The following GOLGA4 variants were observed in gnomAD, a reference collection of about 807,000 sequenced individuals.
GOLGA4 encodes golgin A4.
In GOLGA4, 169 loss-of-function variants were observed where a neutral mutation model predicts 265.9. That is an observed-to-expected ratio of 0.64 (90% CI 0.56 to 0.72). The LOEUF (loss-of-function observed/expected upper bound fraction) is 0.72, where lower values mean the gene tolerates loss of function less well. Among genes scored for constraint, GOLGA4 ranks in the 30% least tolerant of loss-of-function variants. GOLGA4 has a pLI of 0.00. For synonymous variants in GOLGA4, 923 were observed against 855.8 expected (o/e 1.08, Z -1.37); for missense variants, 2,482 against 2,483.4 (o/e 1.00, Z 0.01).
rs374874235 is a variant in GOLGA4, at chr3:37,327,231, A to G, written c.5345A>G (p.His1782Arg). Residue 1782 changes from histidine to arginine, a missense_variant, in exon 14 of 24, where the codon CAT becomes CGT. Physicochemically the swap from His to Arg is conservative, Grantham distance 29 (BLOSUM62 0). Coordinates refer to ENST00000361924, the MANE Select transcript of GOLGA4 (RefSeq NM_002078.5). The part of the protein sequence containing the change: ...QYQERLIKLE[H>R]AEAKQHEDQS... ...CAGGAGCGCTTAATAAAGCTAGAAC[A>G]TGCTGAGGCAAAGCAACATGAAGAT... 44 of 1,613,984 alleles carry G rather than the reference A, an allele frequency of 2.7e-5. No homozygotes were observed. The African/African-American group carries it at 4.5e-4, about 17-fold the overall frequency.
chr3:37,364,069 T>A (rs1221318805), intron 23 of GOLGA4, among the ~76,000 whole-genome samples: 2 of 152,172 alleles, frequency 1.3e-5, no homozygotes, highest in Non-Finnish European at 2.9e-5. Flanking sequence ...AGTAGTACAT[T>A]ATGAGTAGTG....
In GOLGA4 at chr3:37,337,174, T is replaced by C; in HGVS notation, c.6327+11T>C. ...ATTATGGAGCTACAGGTAAGGCTAG[T>C]TCTTCTTTTTTTTTTTTTCTTTTTT... On this transcript the variant is annotated intron_variant, in intron 18 of 23. Transcript: ENST00000361924. The C allele has an allele frequency of 7.1e-7, 1 of 1,398,994 alleles. No individual in the cohort carries two copies. The highest frequency in any genetic ancestry group is 9.9e-7 in the Non-Finnish European group (1 of 1,011,810). 86.7% of individuals were successfully genotyped at this position (1,398,994 alleles called of 1,614,324 possible).
chr3:37,347,207 C>T lies in GOLGA4; in HGVS notation c.6487C>T (p.His2163Tyr). 6.2e-7 allele frequency: 1 copy of T among 1,608,758 alleles called. No homozygotes were observed. Among genetic ancestry groups the T allele is most frequent in the Non-Finnish European group, 8.5e-7 (1 of 1,176,176 alleles). ...GTPYKGGNLY[H>Y]TDVSLFGEPT... is the part of the protein sequence containing the mutation. ...TTATTTGGCAGGTGGCAATTTGTAC[C>T]ATACGGATGTCTCACTCTTTGGAGA... The change falls in exon 21 of 24, where the codon CAT becomes TAT. Residue 2163 changes from histidine to tyrosine, a missense_variant. Coordinates refer to ENST00000361924, the MANE Select transcript of GOLGA4 (RefSeq NM_002078.5).
At chr3:37,362,462 G>A (rs898942145) in intron 23 of GOLGA4, among the ~76,000 whole-genome samples, 6 of 151,150 alleles carry the variant, frequency 4.0e-5, no homozygotes, top group Non-Finnish European at 8.8e-5. Context: ...GGATGGTCTC[G>A]ATCTCCTGAC....
chr3:37,340,096 A>C (rs1381239603), intron 19 of GOLGA4, 28 bp from the exon 20 acceptor site: 3 of 909,306 alleles, frequency 3.3e-6, no homozygotes, highest in East Asian at 5.1e-5. Flanking sequence ...TGTGAATCTT[A>C]TATGGTCTGA....
chr3:37,326,144 A>G lies in GOLGA4; in HGVS notation c.4258A>G (p.Lys1420Glu), dbSNP rs146784733. Reference protein sequence around the residue: ...LLDQVQDLSFKVDTLSKEKIS... With the variant: ...LLDQVQDLSFEVDTLSKEKIS... ...GGATCAGGTGCAAGATTTATCTTTT[A>G]AAGTTGACACTCTGAGTAAAGAGAA... The change falls in exon 14 of 24, where the codon AAA becomes GAA. Residue 1420 changes from lysine to glutamate, a missense_variant. Transcript: ENST00000361924. 2.4e-5 allele frequency: 38 copies of G among 1,613,644 alleles called. No homozygotes were observed. The African/African-American group carries it at 4.1e-4, about 18-fold the overall frequency.
At chr3:37,315,685 G>A in intron 11 of GOLGA4, 87 bp downstream of exon 11, 1 of 1,135,830 alleles carries the variant, frequency 8.8e-7, no homozygotes, top group Non-Finnish European at 1.3e-6. Flanking sequence ...GTAAAGAAGA[G>A]TTTGTTTGTA....
rs773856421 is a variant in GOLGA4 at position 37,298,885 on chromosome 3, G to A, written c.867G>A (p.Lys289=). 4.3e-6 allele frequency: 7 copies of A among 1,613,636 alleles called. No homozygotes were observed. Among genetic ancestry groups the A allele is most frequent in the Non-Finnish European group, 5.9e-6 (7 of 1,179,778 alleles). Residue 289 remains lysine, a synonymous_variant, in exon 8 of 24, where the codon AAG becomes AAA. Coordinates refer to ENST00000361924, the MANE Select transcript of GOLGA4 (RefSeq NM_002078.5). ...KTLETLQQRV[K]RQENLLKRCK... is the part of the protein sequence containing the mutation. ...TGGAAACACTCCAGCAAAGAGTGAA[G>A]CGTCAAGAGAACCTACTTAAGCGTT... is the stretch of plus-strand genomic sequence containing the variant.
At chr3:37,290,920 G>A (rs889753180) in intron 5 of GOLGA4, among the ~76,000 whole-genome samples, 1 of 152,074 alleles carries the variant, frequency 6.6e-6, no homozygotes, top group African/African-American at 2.4e-5. Flanking sequence ...AAATAATACG[G>A]CATTTCTACC....
In GOLGA4 at chr3:37,243,478, G is replaced by T; in HGVS notation, c.-73G>T. 7.5e-7 allele frequency: 1 copy of T among 1,342,002 alleles called. No individual in the cohort carries two copies. The highest frequency in any genetic ancestry group is 1.1e-6 in the Non-Finnish European group (1 of 933,018). 83.1% of individuals were successfully genotyped at this position (1,342,002 alleles called of 1,614,324 possible). A position where few individuals can be genotyped will look rare whatever the true frequency, so the allele number is the denominator to read the frequency against. ...CTGGTGTAAAGAAGTCGCCGTAGCC[G>T]TCGCGGCCGGGACTCCCCGGGCTCT... On this transcript the variant is annotated 5_prime_UTR_variant, in exon 1 of 24. Coordinates refer to ENST00000361924, the MANE Select transcript of GOLGA4 (RefSeq NM_002078.5).
At chr3:37,308,894 G>A (rs558855032) in intron 10 of GOLGA4, among the ~76,000 whole-genome samples, 21 of 152,102 alleles carry the variant, frequency 1.4e-4, no homozygotes, top group Admixed American at 3.9e-4. Flanking sequence ...GATTTCAGGC[G>A]TGAGCCACTG....
chr3:37,267,689 A>T (rs2096787327), intron 2 of GOLGA4, among the ~76,000 whole-genome samples: 1 of 152,228 alleles, frequency 6.6e-6, no homozygotes, highest in Admixed American at 6.5e-5. Flanking sequence ...TGTTCCACAA[A>T]TCTATTTATT....
rs1400552109 is a variant in GOLGA4 at position 37,328,420 on chromosome 3, G to C, written c.5944G>C (p.Glu1982Gln). ...DQEREEKIKQ[E>Q]QEDLELKHNS... ...CGGTACATTTTTATTACTCAGACAG[G>C]AGCAGGAAGATCTTGAACTGAAGCA... The change falls in exon 15 of 24, where the codon GAG becomes CAG. Residue 1982 changes from glutamate (E) to glutamine (Q), a missense_variant. By Grantham distance (29) the Glu-to-Gln change is conservative. Coordinates refer to ENST00000361924, the MANE Select transcript of GOLGA4 (RefSeq NM_002078.5). 1 of 1,612,084 alleles carries C rather than the reference G, an allele frequency of 6.2e-7. No individual in the cohort carries two copies. Among genetic ancestry groups the C allele is most frequent in the African/African-American group, 1.3e-5 (1 of 74,824 alleles).
rs751037701 is a variant in GOLGA4 at position 37,335,070 on chromosome 3, G to T, written c.6210G>T (p.Met2070Ile). Residue 2070 changes from methionine (M) to isoleucine (I), a missense_variant, in exon 17 of 24, where the codon ATG becomes ATT. Physicochemically the swap from Met to Ile is conservative, Grantham distance 10. Coordinates refer to ENST00000361924, the MANE Select transcript of GOLGA4 (RefSeq NM_002078.5). ...TCCTAAAGGCTCGTGAAGAAGAAATGACTGCAAAAGTAAGGGACCTGCAGA... is the reference window on the plus strand; with the variant it reads ...TCCTAAAGGCTCGTGAAGAAGAAATTACTGCAAAAGTAAGGGACCTGCAGA... ...EEILDAREEE[M>I]TAKVRDLQTQ... The T allele has an allele frequency of 2.5e-5, 39 of 1,591,332 alleles. No homozygotes were observed. Among genetic ancestry groups the T allele is most frequent in the Non-Finnish European group, 3.3e-5 (39 of 1,164,436 alleles).
chr3:37,323,990 A>G lies in GOLGA4; in HGVS notation c.2104A>G (p.Lys702Glu). The change falls in exon 14 of 24, where the codon AAA (lysine) becomes GAA (glutamate). Residue 702 changes from lysine to glutamate, a missense_variant. Physicochemically the swap from Lys to Glu is moderately conservative, Grantham distance 56. Coordinates refer to ENST00000361924, the MANE Select transcript of GOLGA4 (RefSeq NM_002078.5). ...GTCAGAAGTATTAAAAGCCCGTCAC[A>G]AACTAGAAGAGGAACTTTCTGTTCT... ...ELSEVLKARHKLEEELSVLKD... is the reference protein window; with the variant it reads ...ELSEVLKARHELEEELSVLKD... 1 of 1,613,800 alleles carries G rather than the reference A, an allele frequency of 6.2e-7. No individual in the cohort carries two copies. Among genetic ancestry groups the G allele is most frequent in the South Asian group, 1.1e-5 (1 of 91,068 alleles).
chr3:37,263,357 G>A (rs913005002), intron 2 of GOLGA4, among the ~76,000 whole-genome samples: 1 of 152,126 alleles, frequency 6.6e-6, no homozygotes, highest in Admixed American at 6.6e-5. Flanking sequence ...CAGCCTAAAG[G>A]CATGGTTTTT....
At position 37,298,891 on chromosome 3, in the gene GOLGA4, A is replaced by G. The variant is rs764519609; in HGVS notation, c.873A>G (p.Gln291=). ...LETLQQRVKR[Q]ENLLKRCKET... is the part of the protein sequence containing the mutation. ...CACTCCAGCAAAGAGTGAAGCGTCA[A>G]GAGAACCTACTTAAGCGTTGTAAGG... The change falls in exon 8 of 24, where the codon CAA becomes CAG. Residue 291 remains glutamine, a synonymous_variant. Coordinates refer to ENST00000361924, the MANE Select transcript of GOLGA4 (RefSeq NM_002078.5). The G allele has an allele frequency of 9.9e-6, 16 of 1,613,762 alleles. No individual in the cohort carries two copies. In the African/African-American group the frequency reaches 1.6e-4, roughly 16 times the overall value.
chr3:37,355,122 A>G lies in GOLGA4; in HGVS notation c.6598A>G (p.Thr2200Ala). Residue 2200 changes from threonine (T) to alanine (A), a missense_variant, in exon 22 of 24, where the codon ACC (threonine) becomes GCC (alanine). Physicochemically the swap from Thr to Ala is moderately conservative, Grantham distance 58. This residue lies in a region of GOLGA4 where 942 missense variants were observed against 983.1 expected (regional missense o/e 0.96). Coordinates refer to ENST00000361924, the MANE Select transcript of GOLGA4 (RefSeq NM_002078.5). ...ETKTMAKVIT[T>A]VLKFPDDQTQ... is the part of the protein sequence containing the mutation. The stretch of plus-strand genomic sequence containing the variant: ...GTAGACCATGGCAAAAGTTATAACC[A>G]CCGTACTGAAGTTCCCTGATGATCA... The G allele has an allele frequency of 2.5e-6, 4 of 1,604,472 alleles. No homozygotes were observed. Among genetic ancestry groups the G allele is most frequent in the Non-Finnish European group, 3.4e-6 (4 of 1,171,542 alleles).
At chr3:37,355,051 C>A in intron 21 of GOLGA4, 50 bp from the exon 22 acceptor site, 2 of 1,066,942 alleles carry the variant, frequency 1.9e-6, no homozygotes, top group Non-Finnish European at 2.9e-6. Flanking sequence ...TGGGTTGAGA[C>A]TTTATATGCT....
Sources: allele counts gnomAD v4.1 joint callset (sites outside exome capture counted in the v4.1 genomes callset), GRCh38; gene constraint gnomAD v4.1.1; regional missense constraint gnomAD v4.1.1; transcripts MANE v1.5; gene names NCBI Gene and HGNC (gene_info 2026-07-23, HGNC 2026-07-21).